The following ANKRD65 variants were observed in gnomAD, a reference collection of about 807,000 sequenced individuals.
ANKRD65 encodes the protein ankyrin repeat domain 65, also known as ankyrin repeat domain-containing protein 65.
ANKRD65 carries 26 observed loss-of-function variants against 17.2 expected under a neutral mutation model. That is an observed-to-expected ratio of 1.51 (90% CI 1.11 to 2.09). The LOEUF is 2.09. Ranked by LOEUF, ANKRD65 falls within the 30% of genes most tolerant of loss-of-function variation. The pLI is 0.00. For missense variants in ANKRD65, 621 were observed against 542.2 expected (o/e 1.15, Z -1.44); for synonymous variants, 311 against 272.2 (o/e 1.14, Z -1.40).
In ANKRD65 at chr1:1,418,918, T is replaced by A; in HGVS notation, c.*182A>T. The A allele has an allele frequency of 1.5e-6, 1 of 645,654 alleles. No individual in the cohort carries two copies. The highest frequency in any genetic ancestry group is 2.6e-6 in the Non-Finnish European group (1 of 391,482). The allele number at this position is 645,654 out of a possible 1,614,324, so 40.0% of individuals were successfully genotyped here. On this transcript the variant is annotated 3_prime_UTR_variant, in exon 4 of 4. Transcript: ENST00000537107. ...GAGCTGCAGGGTCAGTGGGCCCTCC[T>A]GGGAGCTGGGGGCCATCCCTGGTCC...
At position 1,420,411 on chromosome 1, in the gene ANKRD65, C is replaced by T; in HGVS notation, c.391G>A (p.Ala131Thr). Residue 131 changes from alanine to threonine, a missense_variant, in exon 3 of 4, where the codon GCC becomes ACC. Coordinates refer to ENST00000537107, the MANE Select transcript of ANKRD65 (RefSeq NM_001145210.3). ...GTCCCGGAGCGAGCCGCCGCCGAGG[C>T]CCCGCGCTGCAGCAGCAGCTCGGCC... is the stretch of plus-strand genomic sequence containing the variant. ...RVAELLLQRG[A>T]SAAARSGTGL... 3.0e-6 allele frequency: 4 copies of T among 1,325,186 alleles called. No homozygotes were observed. Among genetic ancestry groups the T allele is most frequent in the South Asian group, 1.7e-5 (1 of 58,788 alleles). 82.1% of individuals were successfully genotyped at this position (1,325,186 alleles called of 1,614,324 possible).
Position 1,419,290 on chromosome 1 carries a change from G to A in ANKRD65, c.1010C>T (p.Thr337Ile). 1.3e-6 allele frequency: 2 copies of A among 1,550,404 alleles called. No individual in the cohort carries two copies. The highest frequency in any genetic ancestry group is 1.7e-6 in the Non-Finnish European group (2 of 1,146,874). ...QVDATGWLRKTPLHLAAERGH... is the reference protein window; with the variant it reads ...QVDATGWLRKIPLHLAAERGH... Reference sequence around the variant, plus strand: ...TCGCTCTGCAGCCAGGTGTAGGGGGGTCTTTCGGAGCCAGCCGGTAGCATC... The same window carrying A: ...TCGCTCTGCAGCCAGGTGTAGGGGGATCTTTCGGAGCCAGCCGGTAGCATC... Residue 337 changes from threonine to isoleucine, a missense_variant, in exon 4 of 4, where the codon ACC becomes ATC. Coordinates refer to ENST00000537107, the MANE Select transcript of ANKRD65 (RefSeq NM_001145210.3).
Position 1,419,215 on chromosome 1 carries a change from G to A in ANKRD65, c.1085C>T (p.Thr362Ile), listed in dbSNP as rs1645497750. The A allele has an allele frequency of 6.5e-7, 1 of 1,550,096 alleles. No homozygotes were observed. The highest frequency in any genetic ancestry group is 8.7e-7 in the Non-Finnish European group (1 of 1,146,724). Residue 362 changes from threonine to isoleucine, a missense_variant, in exon 4 of 4, where the codon ACT (threonine) becomes ATT (isoleucine). Thr to Ile is a moderately conservative substitution (Grantham distance 89). Coordinates refer to ENST00000537107, the MANE Select transcript of ANKRD65 (RefSeq NM_001145210.3). ...GLLLSRGASP[T>I]LRTQWAEVAQ... is the part of the protein sequence containing the mutation. ...CACCTCGGCCCACTGCGTCCGCAGA[G>A]TGGGGCTGGCCCCTCGGCTCAGCAG...
In ANKRD65 at chr1:1,420,991, C is replaced by A; in HGVS notation, c.15G>T (p.Arg5Ser). The A allele has an allele frequency of 1.9e-6, 3 of 1,550,456 alleles. No homozygotes were observed. Among genetic ancestry groups the A allele is most frequent in the Non-Finnish European group, 2.6e-6 (3 of 1,146,926 alleles). MDSQ[R>S]PEPREEEEEE... ...CCTCCTCCTCCTCTCTGGGCTCAGG[C>A]CTCTGGGAGTCCATCTGGGGGGGAG... The change falls in exon 2 of 4, where the codon AGG becomes AGT. Residue 5 changes from arginine to serine, a missense_variant. Physicochemically the swap from Arg to Ser is moderately radical, Grantham distance 110 (BLOSUM62 -1). Coordinates refer to ENST00000537107, the MANE Select transcript of ANKRD65 (RefSeq NM_001145210.3).
rs887815325 is a variant in ANKRD65 at position 1,418,958 on chromosome 1, A to T, written c.*142T>A. On this transcript the variant is annotated 3_prime_UTR_variant, in exon 4 of 4. Transcript: ENST00000537107. ...ATCCCTGGTCCAGCCAAGGCCTGTG[A>T]CTGCAGCTCAAGCCACATCCCCTAC... The T allele has an allele frequency of 7.2e-5, 71 of 989,238 alleles. No individual in the cohort carries two copies. Among genetic ancestry groups the T allele is most frequent in the Non-Finnish European group, 1.0e-4 (70 of 690,534 alleles). The allele number at this position is 989,238 out of a possible 1,614,324, so 61.3% of individuals were successfully genotyped here. A position where few individuals can be genotyped will look rare whatever the true frequency, so the allele number is the denominator to read the frequency against.
Position 1,420,786 on chromosome 1 carries a change from C to A in ANKRD65, c.209+11G>T. On this transcript the variant is annotated intron_variant, in intron 2 of 3. Transcript: ENST00000537107. ...GAGAAGGGACCCCTTCACCCCCCAG[C>A]GCAGGTGCACCTCTCCTCCACGCTG... 6.5e-7 allele frequency: 1 copy of A among 1,542,548 alleles called. No individual in the cohort carries two copies. Among genetic ancestry groups the A allele is most frequent in the South Asian group, 1.2e-5 (1 of 83,512 alleles).
chr1:1,420,945 T>G lies in ANKRD65; in HGVS notation c.61A>C (p.Met21Leu). The G allele has an allele frequency of 6.4e-7, 1 of 1,550,774 alleles. No homozygotes were observed. The change falls in exon 2 of 4, where the codon ATG (methionine) becomes CTG (leucine). Residue 21 changes from methionine (M) to leucine (L), a missense_variant. By Grantham distance (15) the Met-to-Leu change is conservative (BLOSUM62 2). Coordinates refer to ENST00000537107, the MANE Select transcript of ANKRD65 (RefSeq NM_001145210.3). ...EEEEEQELRW[M>L]ELDSEEALGT... ...AGGGCCTCTTCGGAGTCCAGCTCCA[T>G]CCACCGCAGTTCCTGTTCCTCCTCC... is the stretch of plus-strand genomic sequence containing the variant.
chr1:1,420,651 G>GGCCC, intron 2 of ANKRD65, 59 bp from the exon 3 acceptor site: 2 of 1,252,858 alleles, frequency 1.6e-6, no homozygotes, highest in Non-Finnish European at 2.0e-6. Flanking sequence ...ACCCCGCCCT[G>GGCCC]CCCCACCCCG....
Position 1,418,428 on chromosome 1 carries a change from G to T in ANKRD65, c.*672C>A, listed in dbSNP as rs1480345765. On this transcript the variant is annotated 3_prime_UTR_variant, in exon 4 of 4. Transcript: ENST00000537107. ...ACCTCTCAGACACCCAGTTGTAGAA[G>T]GAAGGGCTTTATTCAGCTGGGAGCA... is the stretch of plus-strand genomic sequence containing the variant. The T allele has an allele frequency of 6.6e-6, 1 of 152,264 alleles. No homozygotes were observed. The highest frequency in any genetic ancestry group is 1.5e-5 in the Non-Finnish European group (1 of 68,048). 9.4% of individuals were successfully genotyped at this position (152,264 alleles called of 1,614,324 possible).
In ANKRD65 at chr1:1,418,729, G is replaced by A. The variant is rs1202203336; in HGVS notation, c.*371C>T. 1 of 198,096 alleles carries A rather than the reference G, an allele frequency of 5.0e-6. No homozygotes were observed. The highest frequency in any genetic ancestry group is 5.8e-5 in the Admixed American group (1 of 17,320). 12.3% of individuals were successfully genotyped at this position (198,096 alleles called of 1,614,324 possible). On this transcript the variant is annotated 3_prime_UTR_variant, in exon 4 of 4. Transcript: ENST00000537107. Reference sequence around the variant, plus strand: ...TCAACTACTGGGTTTAGGCCAGGCAGGCGCAGGCCTGGTTTCGGGCCTAGC... The same window carrying A: ...TCAACTACTGGGTTTAGGCCAGGCAAGCGCAGGCCTGGTTTCGGGCCTAGC...
rs1415809278 is a variant in ANKRD65 at position 1,419,450 on chromosome 1, C to G, written c.850G>C (p.Ala284Pro). The change falls in exon 4 of 4, where the codon GCC becomes CCC. Residue 284 changes from alanine (A) to proline (P), a missense_variant. Ala to Pro is a conservative substitution (Grantham distance 27). Transcript: ENST00000537107. ...HRAAARGHLL[A>P]VQLLVTQGAE... ...CCCTGGGTGACCAGCAACTGGACGG[C>G]AAGCAGGTGTCCTCGGGCGGCAGCC... 6.5e-7 allele frequency: 1 copy of G among 1,549,166 alleles called. No homozygotes were observed. Among genetic ancestry groups the G allele is most frequent in the African/African-American group, 1.4e-5 (1 of 73,176 alleles).
At position 1,419,230 on chromosome 1, in the gene ANKRD65, C is replaced by T. The variant is rs969749727; in HGVS notation, c.1070G>A (p.Arg357Gln). The change falls in exon 4 of 4, where the codon CGA (arginine) becomes CAA (glutamine). Residue 357 changes from arginine (R) to glutamine (Q), a missense_variant. Coordinates refer to ENST00000537107, the MANE Select transcript of ANKRD65 (RefSeq NM_001145210.3). The stretch of plus-strand genomic sequence containing the variant: ...CGTCCGCAGAGTGGGGCTGGCCCCT[C>T]GGCTCAGCAGAAGCCCCACGGTAGG... Reference protein sequence around the residue: ...HGPTVGLLLSRGASPTLRTQW... With the variant: ...HGPTVGLLLSQGASPTLRTQW... 1.4e-5 allele frequency: 22 copies of T among 1,550,186 alleles called. No individual in the cohort carries two copies. Among genetic ancestry groups the T allele is most frequent in the African/African-American group, 2.7e-5 (2 of 73,032 alleles).
At chr1:1,421,031 C>CTGG in intron 1 of ANKRD65, 26 bp from the exon 2 acceptor site, 1 of 1,549,286 alleles carries the variant, frequency 6.5e-7, no homozygotes, top group Non-Finnish European at 8.7e-7. Context: ...GATCCTACAT[C>CTGG]CACTGTGGAG....
At chr1:1,420,690 C>A in intron 2 of ANKRD65, 98 bp from the exon 3 acceptor site, 1 of 1,414,652 alleles carries the variant, frequency 7.1e-7, no homozygotes, top group Non-Finnish European at 9.2e-7. Context: ...GCTGGGACCC[C>A]CGTCCTACCC....
rs1414807242 is a variant in ANKRD65, at chr1:1,421,117, G to C, written c.-1+16C>G. 1.2e-5 allele frequency: 14 copies of C among 1,125,878 alleles called. No individual in the cohort carries two copies. The highest frequency in any genetic ancestry group is 1.6e-5 in the Non-Finnish European group (13 of 792,240). The allele number at this position is 1,125,878 out of a possible 1,614,324, so 69.7% of individuals were successfully genotyped here. A position where few individuals can be genotyped will look rare whatever the true frequency, so the allele number is the denominator to read the frequency against. On this transcript the variant is annotated intron_variant, in intron 1 of 3. Transcript: ENST00000537107. ...CCAGTTACCACTTAGCCTTCAGAGG[G>C]GCTTGGCTCTGTTACCCAAGGGAGC...
chr1:1,420,840 G>A lies in ANKRD65; in HGVS notation c.166C>T (p.Leu56=). The change falls in exon 2 of 4, where the codon CTG becomes TTG. Residue 56 remains leucine, a synonymous_variant. Coordinates refer to ENST00000537107, the MANE Select transcript of ANKRD65 (RefSeq NM_001145210.3). ...CCTTGCCGCAGCAGCTGCGTCACCA[G>A]GCCTGCAGGGCCCCTCCACACGGCC... ...LQAVWRGPAG[L]VTQLLRQGAS... 6.5e-7 allele frequency: 1 copy of A among 1,549,550 alleles called. No individual in the cohort carries two copies. Among genetic ancestry groups the A allele is most frequent in the Non-Finnish European group, 8.7e-7 (1 of 1,146,916 alleles).
rs758991121 is a variant in ANKRD65, at chr1:1,420,877, C to T, written c.129G>A (p.Gly43=). 70 of 1,550,140 alleles carry T rather than the reference C, an allele frequency of 4.5e-5. No homozygotes were observed. Among genetic ancestry groups the T allele is most frequent in the Non-Finnish European group, 5.8e-5 (66 of 1,146,954 alleles). ...CCCTCCACACGGCCTGGAGCAGGTG[C>T]CCCCAGCCCTGGACAACACTAGGCC... is the stretch of plus-strand genomic sequence containing the variant. ...TEGPSVVQGW[G]HLLQAVWRGP... Residue 43 remains glycine (G), a synonymous_variant, in exon 2 of 4, where the codon GGG becomes GGA. Transcript: ENST00000537107.
chr1:1,419,908 G>C, intron 3 of ANKRD65, 144 bp downstream of exon 3: 1 of 944,736 alleles, frequency 1.1e-6, no homozygotes, highest in Non-Finnish European at 1.4e-6. Context: ...GGCTACACCG[G>C]AGGGGCACAG....
At position 1,420,786 on chromosome 1, in the gene ANKRD65, C is replaced by T. The variant is rs969793120; in HGVS notation, c.209+11G>A. The T allele has an allele frequency of 6.5e-6, 10 of 1,542,428 alleles. No individual in the cohort carries two copies. The highest frequency in any genetic ancestry group is 2.4e-5 in the South Asian group (2 of 83,516). The stretch of plus-strand genomic sequence containing the variant: ...GAGAAGGGACCCCTTCACCCCCCAG[C>T]GCAGGTGCACCTCTCCTCCACGCTG... On this transcript the variant is annotated intron_variant, in intron 2 of 3. Transcript: ENST00000537107.
Sources: allele counts gnomAD v4.1 joint callset, GRCh38; gene constraint gnomAD v4.1.1; transcripts MANE v1.5; gene names NCBI Gene and HGNC (gene_info 2026-07-23, HGNC 2026-07-21).